Variants in ST3GAL4 observed in about 807,000 individuals in gnomAD.
ST3GAL4 encodes CMP-N-acetylneuraminate-beta-galactosamide-alpha-2,3-sialyltransferase 4.
Under a neutral mutation model 42.6 loss-of-function variants are expected in ST3GAL4, and 24 were observed. The ratio of observed to expected loss-of-function variants is 0.56; its 90% CI spans 0.41 to 0.79. The LOEUF is 0.79. Ranked by LOEUF, ST3GAL4 falls within the 30% of genes least tolerant of loss-of-function variation. The probability of loss-of-function intolerance (pLI) is 0.00; values close to 1 mark genes in which losing one functional copy is unlikely to be tolerated. For synonymous variants in ST3GAL4, 135 were observed against 163.2 expected (o/e 0.83, Z 1.32); for missense variants, 311 against 430.8 (o/e 0.72, Z 2.46).
rs1952429812 is a variant in ST3GAL4, at chr11:126,366,448, A to G, written c.-61+10606A>G. ...CTGGTTCCCGGGTGTCTGAGTAGGG[A>G]CCAATGTGTTTGTGCTGGAGAAGCC... is the stretch of plus-strand genomic sequence containing the variant. On this transcript the variant is annotated intron_variant, in intron 1 of 10. Coordinates refer to ENST00000444328, the MANE Select transcript of ST3GAL4 (RefSeq NM_001254757.2). The surrounding 1 kb of genome is among the most constrained non-coding windows in gnomAD (Gnocchi z 4.2). Among the ~76,000 whole-genome samples the G allele has an allele frequency of 6.6e-6, 1 of 151,686 alleles. No homozygotes were observed. Among genetic ancestry groups the G allele is most frequent in the Non-Finnish European group, 1.5e-5 (1 of 67,898 alleles).
In ST3GAL4 at chr11:126,384,041, G is replaced by T. The variant is rs906797151; in HGVS notation, c.-60-22055G>T. 3.0e-4 allele frequency among the ~76,000 whole-genome samples: 46 copies of T among 152,158 alleles called. No individual in the cohort carries two copies. The highest frequency in any genetic ancestry group is 1.5e-5 in the Non-Finnish European group (1 of 68,020). The stretch of plus-strand genomic sequence containing the variant: ...CCCCACTCTCCCTTCCCAATGCAGG[G>T]CCCTCTCCTCTGGCGAGCCTGCCTT... On this transcript the variant is annotated intron_variant, in intron 1 of 10. Coordinates refer to ENST00000444328, the MANE Select transcript of ST3GAL4 (RefSeq NM_001254757.2). This position sits in a 1 kb window ranked among gnomAD's most constrained non-coding sequence, Gnocchi z 5.5.
chr11:126,369,351 G>T (rs1035573178), intron 1 of ST3GAL4, among the ~76,000 whole-genome samples: 3 of 151,988 alleles, frequency 2.0e-5, no homozygotes, highest in African/African-American at 4.8e-5. Context: ...GGATTCAAGC[G>T]ATTCTCATGC....
In ST3GAL4 at chr11:126,408,302, C is replaced by T. The variant is rs370666152; in HGVS notation, c.438-5C>T. 1.2e-6 allele frequency: 2 copies of T among 1,613,674 alleles called. No individual in the cohort carries two copies. Among genetic ancestry groups the T allele is most frequent in the Non-Finnish European group, 1.7e-6 (2 of 1,179,716 alleles). Reference sequence around the variant, plus strand: ...AGTGATGGGAATCCTCCTCCCAACCCCCAGATTGAACAATGCCCCAGTGGC... The same window carrying T: ...AGTGATGGGAATCCTCCTCCCAACCTCCAGATTGAACAATGCCCCAGTGGC... On this transcript the variant is annotated splice_region_variant and splice_polypyrimidine_tract_variant and intron_variant, in intron 7 of 10. Coordinates refer to ENST00000444328, the MANE Select transcript of ST3GAL4 (RefSeq NM_001254757.2).
intron 1 of ST3GAL4, among the ~76,000 whole-genome samples, chr11:126,404,561 C>T (rs937442244): frequency 2.6e-5 from 4 of 152,100 alleles, no homozygotes; most frequent in South Asian, 2.1e-4. Context: ...GTGTAGGGAA[C>T]GACTCAGAGA....
intron 8 of ST3GAL4, 173 bp downstream of exon 8, chr11:126,408,669 G>A (rs1285688498): frequency 2.8e-6 from 2 of 710,046 alleles, no homozygotes; most frequent in East Asian, 2.7e-5. Flanking sequence ...GTGGTGCTCT[G>A]ATAAGCTGCC....
rs534241031 is a variant in ST3GAL4 at position 126,408,167 on chromosome 11, C to T, written c.410C>T (p.Ala137Val). 505 of 1,614,148 alleles carry T rather than the reference C, an allele frequency of 3.1e-4. 8 individuals carry two copies. In the South Asian group the frequency reaches 5.4e-3, roughly 17 times the overall value. ...HRLRNSSLGD[A>V]INKYDVVIRL... ...CTGCGGAACAGCTCACTGGGAGATG[C>T]CATCAACAAGTACGATGTGGTCATC... Residue 137 changes from alanine to valine, a missense_variant, in exon 7 of 11, where the codon GCC becomes GTC. Physicochemically the swap from Ala to Val is moderately conservative, Grantham distance 64. Transcript: ENST00000444328.
In ST3GAL4 at chr11:126,410,398, T is replaced by C. The variant is rs2105621; in HGVS notation, c.771+987T>C. Among the ~76,000 whole-genome samples, 101,103 of 152,010 alleles carry C rather than the reference T, an allele frequency of 0.67. 34,758 individuals carry two copies. Among genetic ancestry groups the C allele is most frequent in the East Asian group, 0.93 (4,812 of 5,166 alleles). ...GTGTGGGATGGTGAGAGACAGGCAC[T>C]AGCAGACACAGGTATGGCGCTTGGC... On this transcript the variant is annotated intron_variant, in intron 9 of 10. Coordinates refer to ENST00000444328, the MANE Select transcript of ST3GAL4 (RefSeq NM_001254757.2). This position sits in a 1 kb window ranked among gnomAD's most constrained non-coding sequence, Gnocchi z 5.3.
chr11:126,368,039 T>C (rs1952501025), intron 1 of ST3GAL4, among the ~76,000 whole-genome samples: 1 of 151,676 alleles, frequency 6.6e-6, no homozygotes, highest in Non-Finnish European at 1.5e-5. Context: ...TCCCAGCTAC[T>C]TGGGAGGCTG....
chr11:126,381,564 G>A (rs1472357640), intron 1 of ST3GAL4, among the ~76,000 whole-genome samples: 3 of 149,012 alleles, frequency 2.0e-5, no homozygotes, highest in Non-Finnish European at 4.5e-5. Flanking sequence ...GAGAGGGTGG[G>A]AGCAGGAGGG....
chr11:126,380,973 TG>T (rs991669255), intron 1 of ST3GAL4, among the ~76,000 whole-genome samples: 3 of 152,222 alleles, frequency 2.0e-5, no homozygotes, highest in African/African-American at 7.2e-5. Context: ...CATGCGTGCC[TG>T]GAAGTGTGCA....
At position 126,400,722 on chromosome 11, in the gene ST3GAL4, T is replaced by C. The variant is rs1953961216; in HGVS notation, c.-60-5374T>C. On this transcript the variant is annotated intron_variant, in intron 1 of 10. Transcript: ENST00000444328. The surrounding 1 kb of genome is among the most constrained non-coding windows in gnomAD (Gnocchi z 4.6). ...AGGGGCATGAGTGAGGAAACAGTTG[T>C]GGTGAAGAGACCAGTTAGGAAGCCT... is the stretch of plus-strand genomic sequence containing the variant. Among the ~76,000 whole-genome samples, 1 of 152,138 alleles carries C rather than the reference T, an allele frequency of 6.6e-6. No homozygotes were observed. Among genetic ancestry groups the C allele is most frequent in the South Asian group, 2.1e-4 (1 of 4,830 alleles).
intron 1 of ST3GAL4, among the ~76,000 whole-genome samples, chr11:126,394,534 C>G (rs1037404472): frequency 5.3e-5 from 8 of 152,206 alleles, no homozygotes; most frequent in African/African-American, 1.9e-4. Flanking sequence ...AAGTGATCCT[C>G]CCACCTCAGC....
In ST3GAL4 at chr11:126,391,550, C is replaced by T. The variant is rs1953513834; in HGVS notation, c.-60-14546C>T. ...TCCTTTTCCTCACCACTTCTCCTAC[C>T]TAACCCCAAGAATGAGTCCTTGAGT... On this transcript the variant is annotated intron_variant, in intron 1 of 10. Coordinates refer to ENST00000444328, the MANE Select transcript of ST3GAL4 (RefSeq NM_001254757.2). This position sits in a 1 kb window ranked among gnomAD's most constrained non-coding sequence, Gnocchi z 5.5. 6.6e-6 allele frequency among the ~76,000 whole-genome samples: 1 copy of T among 152,320 alleles called. No homozygotes were observed. The highest frequency in any genetic ancestry group is 1.9e-4 in the East Asian group (1 of 5,180).
At position 126,400,824 on chromosome 11, in the gene ST3GAL4, C is replaced by G. The variant is rs553169278; in HGVS notation, c.-60-5272C>G. The stretch of plus-strand genomic sequence containing the variant: ...GAGGGCTGCACTGTGAAGTATTTCT[C>G]AGAGTCTAGACAATGTGACCTTCAC... On this transcript the variant is annotated intron_variant, in intron 1 of 10. Coordinates refer to ENST00000444328, the MANE Select transcript of ST3GAL4 (RefSeq NM_001254757.2). The surrounding 1 kb of genome is among the most constrained non-coding windows in gnomAD (Gnocchi z 4.6). 1.3e-5 allele frequency among the ~76,000 whole-genome samples: 2 copies of G among 152,280 alleles called. No homozygotes were observed. The highest frequency in any genetic ancestry group is 3.9e-4 in the East Asian group (2 of 5,180).
intron 1 of ST3GAL4, among the ~76,000 whole-genome samples, chr11:126,369,521 A>G (rs924790191): frequency 5.3e-5 from 8 of 152,302 alleles, no homozygotes; most frequent in African/African-American, 1.9e-4. Flanking sequence ...TGCTGGGACT[A>G]TAGGCATGAG....
intron 1 of ST3GAL4, among the ~76,000 whole-genome samples, chr11:126,374,109 G>A (rs1481989404): frequency 6.6e-6 from 1 of 151,936 alleles, no homozygotes; most frequent in Non-Finnish European, 1.5e-5. Context: ...GGGGCCTGCA[G>A]TGTTGGGTGT....
At chr11:126,360,896 A>G (rs1368525347) in intron 1 of ST3GAL4, among the ~76,000 whole-genome samples, 2 of 152,122 alleles carry the variant, frequency 1.3e-5, no homozygotes, top group African/African-American at 4.8e-5. Context: ...AAAGGGAAAA[A>G]GTTTCCCTTT....
intron 1 of ST3GAL4, among the ~76,000 whole-genome samples, chr11:126,361,807 C>T (rs909922980): frequency 3.9e-5 from 6 of 152,188 alleles, no homozygotes; most frequent in African/African-American, 1.2e-4. Context: ...TCAGCCCTTC[C>T]CTCCATGCAT....
intron 1 of ST3GAL4, among the ~76,000 whole-genome samples, chr11:126,369,249 T>TC (rs1565395954): frequency 8.9e-6 from 1 of 112,324 alleles, no homozygotes; most frequent in African/African-American, 3.0e-5. Context: ...TCTCTCTCTC[T>TC]TTTTTTTGGG....
Sources: gnomAD v4.1 joint callset for allele counts (sites outside exome capture counted in the v4.1 genomes callset) on GRCh38, gnomAD v4.1.1 for gene constraint, Gnocchi (gnomAD v3.1) non-coding constraint, MANE v1.5 for transcripts, NCBI Gene and HGNC (gene_info 2026-07-23, HGNC 2026-07-21) for gene names.